GLB1: variants seen among roughly 807,000 people sequenced by gnomAD.
GLB1 encodes the protein galactosidase beta 1, also known as beta-galactosidase.
Under a neutral mutation model 74.0 loss-of-function variants are expected in GLB1, and 56 were observed. The observed-to-expected ratio is 0.76, with a 90% CI of 0.61 to 0.94. The LOEUF is 0.94. GLB1 is among the 40% of genes least tolerant of loss of function. The probability of loss-of-function intolerance (pLI) is 0.00; values close to 1 mark genes in which losing one functional copy is unlikely to be tolerated. For missense variants in GLB1, 787 were observed against 845.5 expected (o/e 0.93, Z 0.86); for synonymous variants, 323 against 323.6 (o/e 1.00, Z 0.02).
intron 1 of GLB1, among the ~76,000 whole-genome samples, chr3:33,087,242 CA>C (rs930465429): frequency 6.6e-6 from 1 of 151,774 alleles, no homozygotes; most frequent in African/African-American, 2.4e-5. Flanking sequence ...CTATACAGAC[CA>C]ATAGCTATTA....
chr3:32,970,507 A>C, the GLB1 span, among the ~76,000 whole-genome samples: 1 of 152,218 alleles, frequency 6.6e-6, no homozygotes, highest in African/African-American at 2.4e-5. Flanking sequence ...AAGAATGCCT[A>C]TAAGTCTAAC....
intron 13 of GLB1, among the ~76,000 whole-genome samples, chr3:33,017,993 G>A (rs1697303633): frequency 6.6e-6 from 1 of 152,064 alleles, no homozygotes; most frequent in Non-Finnish European, 1.5e-5. Context: ...TCACCAAGAA[G>A]AGGGGTGGAG....
chr3:33,045,661 G>T, intron 10 of GLB1: 1 of 1,009,710 alleles, frequency 9.9e-7, no homozygotes, highest in Non-Finnish European at 1.2e-6. Flanking sequence ...AAGTACATTA[G>T]CTGTGTCTCA....
At position 33,034,908 on chromosome 3, in the gene GLB1, C is replaced by A. The variant is rs1325900793; in HGVS notation, c.1069-10583G>T. The A allele has an allele frequency of 1.4e-5, 5 of 353,720 alleles. No homozygotes were observed. In the East Asian group the frequency reaches 3.0e-4, roughly 21 times the overall value. 21.9% of individuals were successfully genotyped at this position (353,720 alleles called of 1,614,324 possible). A position where few individuals can be genotyped will look rare whatever the true frequency, so the allele number is the denominator to read the frequency against. On this transcript the variant is annotated intron_variant, in intron 10 of 15. Coordinates refer to ENST00000307363, the MANE Select transcript of GLB1 (RefSeq NM_000404.4). ...AGATGGTTTGTAATCTACTGTCCAG[C>A]TGAAAGCATTCATGTTATGAGGCAG...
At chr3:33,044,785 C>G (rs1240467715) in intron 10 of GLB1, among the ~76,000 whole-genome samples, 1 of 151,850 alleles carries the variant, frequency 6.6e-6, no homozygotes, top group Non-Finnish European at 1.5e-5. Context: ...AGGCAGAAAA[C>G]CTTTGTTTTT....
chr3:33,069,441 G>A (rs911257540), intron 2 of GLB1, among the ~76,000 whole-genome samples: 1 of 152,180 alleles, frequency 6.6e-6, no homozygotes, highest in African/African-American at 2.4e-5. Context: ...TAAGGCAAAA[G>A]GGTGACTGCA....
intron 1 of GLB1, among the ~76,000 whole-genome samples, chr3:33,085,664 G>A (rs1404788844): frequency 5.3e-5 from 8 of 151,688 alleles, no homozygotes; most frequent in Non-Finnish European, 1.2e-4. Flanking sequence ...CCAAGTCTGT[G>A]GCATAAGATG....
Position 33,093,074 on chromosome 3 carries a change from G to C in GLB1, c.75+3937C>G. ...CTGGCCGAGCCTGGAGAGCTCTCTTGGCAGCCAGGGGCTGGTGAGCTAGCA... is the reference window on the plus strand; with the variant it reads ...CTGGCCGAGCCTGGAGAGCTCTCTTCGCAGCCAGGGGCTGGTGAGCTAGCA... On this transcript the variant is annotated intron_variant, in intron 1 of 15. Transcript: ENST00000307363. The surrounding 1 kb of genome is among the most constrained non-coding windows in gnomAD (Gnocchi z 6.0). 6.2e-7 allele frequency: 1 copy of C among 1,614,238 alleles called. No homozygotes were observed. Among genetic ancestry groups the C allele is most frequent in the Non-Finnish European group, 8.5e-7 (1 of 1,180,038 alleles).
intron 1 of GLB1, among the ~76,000 whole-genome samples, chr3:33,085,826 C>G (rs375955181): frequency 1.3e-5 from 2 of 151,426 alleles, no homozygotes; most frequent in African/African-American, 4.9e-5. Context: ...CACCTGTAAT[C>G]CCAGCATTTT....
the GLB1 span, among the ~76,000 whole-genome samples, chr3:32,962,072 T>C: frequency 7.9e-5 from 12 of 152,032 alleles, no homozygotes; most frequent in African/African-American, 2.9e-4. Flanking sequence ...TGCGTGCTGG[T>C]AGTCCCAGCT....
chr3:32,999,574 G>A (rs888511507), intron 15 of GLB1, among the ~76,000 whole-genome samples: 8 of 152,152 alleles, frequency 5.3e-5, no homozygotes, highest in African/African-American at 1.9e-4. Flanking sequence ...AGGTAAGCTG[G>A]GAATTGTTTT....
At chr3:32,977,381 T>C in the GLB1 span, among the ~76,000 whole-genome samples, 1 of 152,132 alleles carries the variant, frequency 6.6e-6, no homozygotes, top group East Asian at 1.9e-4. Context: ...AATTTTTGTA[T>C]TTTTAGTAGA....
chr3:32,982,979 A>G, the GLB1 span, among the ~76,000 whole-genome samples: 1 of 152,220 alleles, frequency 6.6e-6, no homozygotes, highest in Non-Finnish European at 1.5e-5. Flanking sequence ...CTTTGAGTCT[A>G]CTGCCACTCC....
chr3:33,027,091 T>C lies in GLB1; in HGVS notation c.1069-2766A>G, dbSNP rs1165131444. Among the ~76,000 whole-genome samples the C allele has an allele frequency of 2.6e-5, 4 of 152,212 alleles. No homozygotes were observed. In the East Asian group the frequency reaches 5.8e-4, roughly 22 times the overall value. On this transcript the variant is annotated intron_variant, in intron 10 of 15. Transcript: ENST00000307363. ...TATGGTCCTTTGGGGAGCCCAGACC[T>C]GGGAGCTACCCGAGCTGGGGCTGTG...
At chr3:32,979,668 C>T in the GLB1 span, among the ~76,000 whole-genome samples, 2 of 151,708 alleles carry the variant, frequency 1.3e-5, no homozygotes, top group Non-Finnish European at 2.9e-5. Context: ...GCCTGAGCAA[C>T]ATAGTGAGAC....
the GLB1 span, among the ~76,000 whole-genome samples, chr3:32,962,969 C>A: frequency 3.3e-5 from 5 of 151,712 alleles, no homozygotes; most frequent in Non-Finnish European, 7.4e-5. Flanking sequence ...GAATGAACAA[C>A]AACAAAAAAT....
At chr3:33,086,774 A>G (rs1046079322) in intron 1 of GLB1, among the ~76,000 whole-genome samples, 13 of 152,196 alleles carry the variant, frequency 8.5e-5, no homozygotes, top group Non-Finnish European at 1.5e-4. Context: ...CAAATAAATG[A>G]TAAAAAATAA....
chr3:32,996,132 G>A (rs1307936470), downstream of GLB1, among the ~76,000 whole-genome samples: 1 of 152,188 alleles, frequency 6.6e-6, no homozygotes, highest in South Asian at 2.1e-4. Flanking sequence ...GTGTTCTTGT[G>A]AGGGGCAAGT....
At chr3:33,092,616 T>C in intron 1 of GLB1, 3 of 1,360,390 alleles carry the variant, frequency 2.2e-6, no homozygotes, top group South Asian at 2.1e-5. Context: ...ATCTCACAAG[T>C]GCATCAAAAA....
Sources: allele counts gnomAD v4.1 joint callset (sites outside exome capture counted in the v4.1 genomes callset), GRCh38; gene constraint gnomAD v4.1.1; non-coding constraint Gnocchi (gnomAD v3.1); transcripts MANE v1.5; gene names NCBI Gene and HGNC (gene_info 2026-07-23, HGNC 2026-07-21).